The following SERP2 variants were observed in gnomAD, a reference collection of about 807,000 sequenced individuals.
SERP2 encodes the protein stress associated endoplasmic reticulum protein family member 2.
Under a neutral mutation model 9.1 loss-of-function variants are expected in SERP2, and 6 were observed. That is an observed-to-expected ratio of 0.66 (90% confidence interval 0.36 to 1.30). The LOEUF is 1.30. Ranked by LOEUF, SERP2 falls within the 50% of genes most tolerant of loss-of-function variation. The pLI, the probability that SERP2 is intolerant of heterozygous loss-of-function variation, is 0.03. For synonymous variants in SERP2, 37 were observed against 27.3 expected (o/e 1.35, Z -1.10); for missense variants, 58 against 81.9 (o/e 0.71, Z 1.13).
At chr13:44,394,984 G>A (rs758478061) in intron 2 of SERP2, among the ~76,000 whole-genome samples, 7 of 152,194 alleles carry the variant, frequency 4.6e-5, no homozygotes, top group Non-Finnish European at 1.0e-4. Flanking sequence ...TTAATTATTT[G>A]TCCAGTCACA....
chr13:44,377,136 T>C (rs1027843213), intron 1 of SERP2, among the ~76,000 whole-genome samples: 2 of 152,246 alleles, frequency 1.3e-5, no homozygotes, highest in Admixed American at 6.5e-5. Flanking sequence ...CCCCAAATCA[T>C]GTTGATTCCA....
intron 2 of SERP2, among the ~76,000 whole-genome samples, chr13:44,386,796 C>A (rs1052381567): frequency 6.6e-6 from 1 of 152,224 alleles, no homozygotes; most frequent in Non-Finnish European, 1.5e-5. Context: ...TCTTGTCAAA[C>A]CTTAGCCTGG....
intron 2 of SERP2, among the ~76,000 whole-genome samples, chr13:44,385,205 T>G (rs1872244307): frequency 6.6e-6 from 1 of 152,250 alleles, no homozygotes; most frequent in Non-Finnish European, 1.5e-5. Context: ...TGCCTCCTGC[T>G]TCTCAGCTTC....
At chr13:44,387,584 A>C (rs1872392298) in intron 2 of SERP2, among the ~76,000 whole-genome samples, 1 of 152,178 alleles carries the variant, frequency 6.6e-6, no homozygotes, top group Non-Finnish European at 1.5e-5. Context: ...ATTTAGAGTC[A>C]GCCTATACAT....
chr13:44,394,873 GT>G (rs1190999703), intron 2 of SERP2, among the ~76,000 whole-genome samples: 1 of 152,210 alleles, frequency 6.6e-6, no homozygotes, highest in Non-Finnish European at 1.5e-5. Context: ...AGTCCTCCAT[GT>G]GTGAGGACCC....
chr13:44,376,633 G>C (rs1051188419), intron 1 of SERP2, among the ~76,000 whole-genome samples: 2 of 152,054 alleles, frequency 1.3e-5, no homozygotes, highest in Non-Finnish European at 2.9e-5. Flanking sequence ...AAATTAGCCA[G>C]GCATGGTGGT....
chr13:44,393,004 A>G (rs1872870651), intron 2 of SERP2, among the ~76,000 whole-genome samples: 2 of 149,956 alleles, frequency 1.3e-5, no homozygotes, highest in South Asian at 4.3e-4. Context: ...ATTAGAACCT[A>G]GAAGACCATG....
intron 2 of SERP2, chr13:44,396,017 T>A: frequency 7.1e-6 from 2 of 282,858 alleles, no homozygotes; most frequent in Non-Finnish European, 7.1e-6. Context: ...CTGGTTTTCA[T>A]TATGGTGACA....
intron 2 of SERP2, among the ~76,000 whole-genome samples, chr13:44,385,518 G>C (rs908106123): frequency 3.3e-5 from 5 of 152,206 alleles, no homozygotes; most frequent in African/African-American, 1.2e-4. Context: ...GAGGGAGTTT[G>C]GGGAGGTTAT....
At chr13:44,383,706 C>A (rs1872151401) in intron 2 of SERP2, among the ~76,000 whole-genome samples, 1 of 151,342 alleles carries the variant, frequency 6.6e-6, no homozygotes, top group African/African-American at 2.4e-5. Flanking sequence ...CACCACCATG[C>A]CCAGCTAATT....
At chr13:44,396,104 G>A (rs188379443) in intron 2 of SERP2, 213 of 200,786 alleles carry the variant, frequency 1.1e-3, no homozygotes, top group African/African-American at 3.8e-3. Flanking sequence ...TGGGTACAGT[G>A]TTTTTACGGG....
intron 1 of SERP2, 62 bp downstream of exon 1, chr13:44,374,171 T>TGG: frequency 2.0e-4 from 19 of 94,434 alleles, no homozygotes; most frequent in Admixed American, 6.4e-4. Flanking sequence ...GGGCGGAAGG[T>TGG]GGGGGCGGGG....
intron 2 of SERP2, among the ~76,000 whole-genome samples, chr13:44,380,558 A>T (rs147364968): frequency 1.3e-5 from 2 of 152,294 alleles, no homozygotes; most frequent in East Asian, 3.9e-4. Context: ...TAAAAAAAAA[A>T]TTTAAGATGG....
chr13:44,392,119 A>C (rs1207433026), intron 2 of SERP2, among the ~76,000 whole-genome samples: 18 of 143,340 alleles, frequency 1.3e-4, no homozygotes, highest in Admixed American at 6.0e-4. Context: ...AATCGCTTGA[A>C]CCCGGAAGAC....
intron 2 of SERP2, among the ~76,000 whole-genome samples, chr13:44,386,150 C>G (rs533328088): frequency 1.3e-5 from 2 of 152,200 alleles, no homozygotes; most frequent in South Asian, 4.1e-4. Flanking sequence ...AGAAGGAACA[C>G]CAATATGCAG....
intron 2 of SERP2, among the ~76,000 whole-genome samples, chr13:44,387,366 G>T (rs967038708): frequency 6.6e-6 from 1 of 152,104 alleles, no homozygotes; most frequent in African/African-American, 2.4e-5. Flanking sequence ...GCAGTTGATT[G>T]GTAATGTCTG....
chr13:44,376,376 C>T (rs1040862354), intron 1 of SERP2, among the ~76,000 whole-genome samples: 1 of 152,140 alleles, frequency 6.6e-6, no homozygotes, highest in African/African-American at 2.4e-5. Flanking sequence ...ACTAATTGTT[C>T]AGAAATAAAC....
chr13:44,397,129 T>G (rs115479784), intron 2 of SERP2, 143 bp from the exon 3 acceptor site: 3 of 683,512 alleles, frequency 4.4e-6, no homozygotes, highest in Non-Finnish European at 7.8e-6. Flanking sequence ...TCTTGTTAAC[T>G]TAACTCCTTG....
At chr13:44,393,678 T>C (rs1872917449) in intron 2 of SERP2, among the ~76,000 whole-genome samples, 1 of 152,240 alleles carries the variant, frequency 6.6e-6, no homozygotes, top group Non-Finnish European at 1.5e-5. Context: ...TGTCAGGGTC[T>C]AGACTCCCCG....
Sources: gnomAD v4.1 joint callset for allele counts (sites outside exome capture counted in the v4.1 genomes callset) on GRCh38, gnomAD v4.1.1 for gene constraint, MANE v1.5 for transcripts, NCBI Gene and HGNC (gene_info 2026-07-23, HGNC 2026-07-21) for gene names.